Variants in FANCD2OS observed in about 807,000 individuals in gnomAD.
FANCD2OS encodes the protein FANCD2 opposite strand, also known as FANCD2 opposite strand protein.
FANCD2OS carries 11 observed loss-of-function variants against 13.2 expected under a neutral mutation model. That is an observed-to-expected ratio of 0.83 (90% confidence interval 0.52 to 1.38). FANCD2OS has a LOEUF of 1.38. FANCD2OS is among the 40% of genes most tolerant of loss of function. FANCD2OS has a pLI of 0.00. For missense variants in FANCD2OS, 217 were observed against 213.9 expected, an observed-to-expected ratio of 1.01 and a Z score of -0.09; for synonymous variants, 69 against 84.5, an observed-to-expected ratio of 0.82 and a Z score of 1.01.
Position 10,104,647 on chromosome 3 carries a change from G to A in FANCD2OS, c.128C>T (p.Pro43Leu), listed in dbSNP as rs185109881. 57 of 1,614,154 alleles carry A rather than the reference G, an allele frequency of 3.5e-5. No individual in the cohort carries two copies. Among genetic ancestry groups the A allele is most frequent in the African/African-American group, 2.0e-4 (15 of 75,038 alleles). The change falls in exon 2 of 2, where the codon CCG (proline) becomes CTG (leucine). Residue 43 changes from proline (P) to leucine (L), a missense_variant. Transcript: ENST00000450660. ...GCACAGCTGCACTTCAAGGTCGGAC[G>A]GTGTGTGTGGGAAGCAGGGGGAGGC... ...FKASPCFPHT[P>L]SDLEVQLCFQ...
Position 10,097,399 on chromosome 3 carries a change from G to A in FANCD2OS, c.*43+6799C>T, listed in dbSNP as rs562159676. On this transcript the variant is annotated intron_variant, in intron 2 of 2. Transcript: ENST00000524279. The stretch of plus-strand genomic sequence containing the variant: ...TCGACCATAAGAGACAGGTACACCC[G>A]GGGGGGCCCAGTTCAGAGACCTACC... Among the ~76,000 whole-genome samples the A allele has an allele frequency of 1.8e-4, 27 of 152,088 alleles. No homozygotes were observed. In the East Asian group the frequency reaches 4.1e-3, roughly 23 times the overall value.
At position 10,104,720 on chromosome 3, in the gene FANCD2OS, A is replaced by G. The variant is rs1167219048; in HGVS notation, c.55T>C (p.Trp19Arg). Residue 19 changes from tryptophan (W) to arginine (R), a missense_variant, in exon 2 of 2, where the codon TGG (tryptophan) becomes CGG (arginine). Trp to Arg is a moderately radical substitution (Grantham distance 101). Coordinates refer to ENST00000450660, the MANE Select transcript of FANCD2OS (RefSeq NM_001164839.2). ...PWTPLDESFQ[W>R]LRHTTPTPSS... ...GGTGTAGGTGTCGTGTGCCGCAGCC[A>G]TTGGAAACTCTCATCCAGTGGGGTC... is the stretch of plus-strand genomic sequence containing the variant. The G allele has an allele frequency of 1.2e-6, 2 of 1,609,710 alleles. No homozygotes were observed. Among genetic ancestry groups the G allele is most frequent in the African/African-American group, 1.3e-5 (1 of 74,466 alleles).
intron 1 of FANCD2OS, among the ~76,000 whole-genome samples, chr3:10,106,342 T>C (rs1695493847): frequency 6.6e-6 from 1 of 152,218 alleles, no homozygotes; most frequent in African/African-American, 2.4e-5. Context: ...ACTGAAAATT[T>C]ATGCAAGTAA....
intron 2 of FANCD2OS, chr3:10,094,483 C>T: frequency 1.2e-6 from 1 of 859,084 alleles, no homozygotes; most frequent in Non-Finnish European, 2.0e-6. Flanking sequence ...TCCACTTCAG[C>T]TGTAGCCAGA....
At chr3:10,096,501 C>T (rs1559409618) in intron 2 of FANCD2OS, 2 of 1,610,024 alleles carry the variant, frequency 1.2e-6, no homozygotes, top group Admixed American at 3.3e-5. Flanking sequence ...TAGTGATAAT[C>T]CCCTACTCTT....
At chr3:10,096,389 GT>G (rs1186306483) in intron 2 of FANCD2OS, 1 of 1,614,092 alleles carries the variant, frequency 6.2e-7, no homozygotes, top group Non-Finnish European at 8.5e-7. Flanking sequence ...GGAACTTTTA[GT>G]TTGCAGAGTC....
chr3:10,099,115 G>A, downstream of FANCD2OS: 1 of 1,497,964 alleles, frequency 6.7e-7, no homozygotes, highest in South Asian at 1.3e-5. Context: ...ATTTTAGAAG[G>A]GAGAAGTCAT....
chr3:10,099,098 TG>T, downstream of FANCD2OS: 5 of 1,523,356 alleles, frequency 3.3e-6, no homozygotes, highest in Non-Finnish European at 4.4e-6. Flanking sequence ...AATTCATATC[TG>T]AAACCATTTT....
At chr3:10,101,702 G>A (rs574930949), downstream of FANCD2OS, 4 of 268,728 alleles carry the variant, frequency 1.5e-5, no homozygotes, top group African/African-American at 8.9e-5. Flanking sequence ...TCTTAAAGTG[G>A]GGTCTTTATT....
chr3:10,087,267 G>A (rs1312852589), intron 2 of FANCD2OS: 2 of 1,567,310 alleles, frequency 1.3e-6, no homozygotes, highest in Admixed American at 1.7e-5. Flanking sequence ...AAAAATTGGT[G>A]ATGGGCCTAG....
intron 2 of FANCD2OS, chr3:10,087,259 A>C (rs1559403675): frequency 1.2e-6 from 2 of 1,605,648 alleles, no homozygotes; most frequent in Admixed American, 3.4e-5. Flanking sequence ...AACAAAGAAA[A>C]AATTGGTGAT....
intron 2 of FANCD2OS, among the ~76,000 whole-genome samples, chr3:10,082,953 A>G (rs1267932812): frequency 6.6e-6 from 1 of 152,204 alleles, no homozygotes; most frequent in African/African-American, 2.4e-5. Context: ...GGGGCCTGAC[A>G]TCGTGGCTTA....
chr3:10,101,168 A>C, downstream of FANCD2OS: 2 of 1,595,578 alleles, frequency 1.3e-6, no homozygotes, highest in Non-Finnish European at 1.7e-6. Flanking sequence ...ATGCTTATTT[A>C]TTTATTCTTT....
At chr3:10,101,042 C>A, downstream of FANCD2OS, 1 of 601,108 alleles carries the variant, frequency 1.7e-6, no homozygotes, top group Non-Finnish European at 3.0e-6. Context: ...GCATTCCAGC[C>A]TGGTGACAGA....
chr3:10,101,079 A>G, downstream of FANCD2OS: 1 of 775,156 alleles, frequency 1.3e-6, no homozygotes, highest in Admixed American at 2.3e-5. Flanking sequence ...AAAAAAAAAA[A>G]GTTTTAACAG....
Position 10,096,461 on chromosome 3 carries a change from C to T in FANCD2OS, c.*43+7737G>A, listed in dbSNP as rs368195150. 9 of 1,614,010 alleles carry T rather than the reference C, an allele frequency of 5.6e-6. No homozygotes were observed. The highest frequency in any genetic ancestry group is 6.8e-6 in the Non-Finnish European group (8 of 1,179,966). On this transcript the variant is annotated intron_variant, in intron 2 of 2. Transcript: ENST00000524279. The stretch of plus-strand genomic sequence containing the variant: ...TTTCTGGCTGGGCAATCTAAAAAAC[C>T]GGGACTTGCAGGTAAGCCTTGGATC...
chr3:10,105,772 T>TATATATATATATA (rs869146028), intron 1 of FANCD2OS, among the ~76,000 whole-genome samples: 2 of 22,650 alleles, frequency 8.8e-5, no homozygotes, highest in African/African-American at 3.7e-4. Context: ...AAAAAAAAAA[T>TATATATATATATA]TATATATATA....
At chr3:10,086,968 T>C (rs1258542301) in intron 2 of FANCD2OS, among the ~76,000 whole-genome samples, 1 of 152,224 alleles carries the variant, frequency 6.6e-6, no homozygotes, top group Non-Finnish European at 1.5e-5. Flanking sequence ...TATGGTTTTC[T>C]ACCAAGATGC....
chr3:10,101,474 C>G, downstream of FANCD2OS: 1 of 514,674 alleles, frequency 1.9e-6, no homozygotes, highest in South Asian at 2.1e-5. Flanking sequence ...CAACCTCCAT[C>G]TCCTAGGTTC....
Sources: allele counts gnomAD v4.1 joint callset (sites outside exome capture counted in the v4.1 genomes callset), GRCh38; gene constraint gnomAD v4.1.1; transcripts MANE v1.5; gene names NCBI Gene and HGNC (gene_info 2026-07-23, HGNC 2026-07-21).